Variants in RNPC3 observed in about 807,000 individuals in gnomAD.
RNPC3 encodes RNA-binding region-containing protein 3.
In RNPC3, 48 loss-of-function variants were observed where a neutral mutation model predicts 67.5. The ratio of observed to expected loss-of-function variants is 0.71; its 90% CI spans 0.56 to 0.90. The LOEUF (loss-of-function observed/expected upper bound fraction) is 0.90. RNPC3 is among the 40% of genes least tolerant of loss of function. The pLI, the probability that RNPC3 is intolerant of heterozygous loss-of-function variation, is 0.00. For synonymous variants in RNPC3, 239 were observed against 210.3 expected (o/e 1.14, Z -1.18); for missense variants, 637 against 626.1 (o/e 1.02, Z -0.19).
At chr1:103,532,367 C>G (rs1338948009) in intron 2 of RNPC3, among the ~76,000 whole-genome samples, 1 of 152,088 alleles carries the variant, frequency 6.6e-6, no homozygotes, top group Non-Finnish European at 1.5e-5. Context: ...ATAGAGATGG[C>G]TCCTGGTGGA....
At chr1:103,532,926 T>TG (rs1553193185) in intron 2 of RNPC3, among the ~76,000 whole-genome samples, 2 of 152,020 alleles carry the variant, frequency 1.3e-5, no homozygotes, top group Non-Finnish European at 2.9e-5. Flanking sequence ...TTAGATAGCT[T>TG]GTACAGAGTT....
chr1:103,529,920 C>G (rs1386741042), intron 2 of RNPC3, among the ~76,000 whole-genome samples: 2 of 152,140 alleles, frequency 1.3e-5, no homozygotes, highest in African/African-American at 4.8e-5. Flanking sequence ...TGAGCTCCAC[C>G]TCCAGTCAGA....
In RNPC3 at chr1:103,555,105, G is replaced by A. The variant is rs1443140115; in HGVS notation, c.*84G>A. On this transcript the variant is annotated 3_prime_UTR_variant, in exon 15 of 15. Transcript: ENST00000423855. ...GAAGAAATTGACCACCTGGACTATGGAACTGTGCGTAACAGCTTTGAAAGT... is the reference window on the plus strand; with the variant it reads ...GAAGAAATTGACCACCTGGACTATGAAACTGTGCGTAACAGCTTTGAAAGT... 9.2e-5 allele frequency: 14 copies of A among 151,892 alleles called. No individual in the cohort carries two copies. The highest frequency in any genetic ancestry group is 2.6e-4 in the Admixed American group (4 of 15,248). The allele number at this position is 151,892 out of a possible 1,614,324, so 9.4% of individuals were successfully genotyped here.
At chr1:103,554,484 C>T (rs1306738839) in intron 14 of RNPC3, 2 of 152,534 alleles carry the variant, frequency 1.3e-5, no homozygotes, top group African/African-American at 4.8e-5. Context: ...CAAACAAGGT[C>T]GAGAACCACC....
At chr1:103,546,953 G>T in intron 11 of RNPC3, 24 bp from the exon 12 acceptor site, 1 of 1,236,082 alleles carries the variant, frequency 8.1e-7, no homozygotes, top group Non-Finnish European at 1.1e-6. Flanking sequence ...TTTGTTATTT[G>T]TCTTTTTCTT....
At chr1:103,530,512 A>G (rs778417492) in intron 2 of RNPC3, among the ~76,000 whole-genome samples, 3 of 152,178 alleles carry the variant, frequency 2.0e-5, no homozygotes, top group Non-Finnish European at 2.9e-5. Flanking sequence ...GAGCAGACAT[A>G]GTGGGAGTGA....
At chr1:103,539,670 G>A (rs1415944485) in intron 7 of RNPC3, among the ~76,000 whole-genome samples, 2 of 152,164 alleles carry the variant, frequency 1.3e-5, no homozygotes, top group Admixed American at 6.5e-5. Context: ...GCCTTTGAGT[G>A]TACCAAGCTC....
At chr1:103,535,929 A>G (rs530309708) in intron 5 of RNPC3, among the ~76,000 whole-genome samples, 197 bp from the exon 6 acceptor site, 1 of 152,096 alleles carries the variant, frequency 6.6e-6, no homozygotes, top group Non-Finnish European at 1.5e-5. Flanking sequence ...AACATGTAGA[A>G]TTGACATTTT....
intron 10 of RNPC3, chr1:103,545,371 A>G (rs1651218233): frequency 3.6e-6 from 1 of 280,042 alleles, no homozygotes; most frequent in Non-Finnish European, 6.7e-6. Flanking sequence ...GGCATTTAAA[A>G]TAAGTCAGTG....
At chr1:103,544,341 C>G (rs1285970220) in intron 9 of RNPC3, among the ~76,000 whole-genome samples, 1 of 151,724 alleles carries the variant, frequency 6.6e-6, no homozygotes, top group East Asian at 1.9e-4. Flanking sequence ...GAGAAGTTTG[C>G]CATGGTCTCT....
chr1:103,532,808 C>T (rs1650891785), intron 2 of RNPC3, among the ~76,000 whole-genome samples: 2 of 152,004 alleles, frequency 1.3e-5, no homozygotes, highest in Non-Finnish European at 2.9e-5. Flanking sequence ...CCCAACAATG[C>T]AAAATTTGTT....
chr1:103,541,507 G>T (rs539994521), intron 8 of RNPC3, 32 bp downstream of exon 8: 6 of 1,468,158 alleles, frequency 4.1e-6, no homozygotes, highest in Admixed American at 5.4e-5. Context: ...AATGAGGGTT[G>T]TCTGTATGTA....
chr1:103,550,415 C>T (rs527323435), intron 12 of RNPC3, among the ~76,000 whole-genome samples: 25 of 151,812 alleles, frequency 1.6e-4, no homozygotes, highest in South Asian at 1.0e-3. Context: ...GGGCAGATCA[C>T]GAGGTCACGA....
chr1:103,525,798 G>A lies in RNPC3; in HGVS notation c.-273G>A. ...TGATTGACAACTTGTGTTAACCCTCGCACATCTCTGGGCCAATTTTTGCTT... is the reference window on the plus strand; with the variant it reads ...TGATTGACAACTTGTGTTAACCCTCACACATCTCTGGGCCAATTTTTGCTT... On this transcript the variant is annotated 5_prime_UTR_variant, in exon 1 of 15. Transcript: ENST00000423855. The A allele has an allele frequency of 2.8e-6, 1 of 358,830 alleles. No homozygotes were observed. Among genetic ancestry groups the A allele is most frequent in the Non-Finnish European group, 5.1e-6 (1 of 196,574 alleles). 22.2% of individuals were successfully genotyped at this position (358,830 alleles called of 1,614,324 possible). A position where few individuals can be genotyped will look rare whatever the true frequency, so the allele number is the denominator to read the frequency against.
At chr1:103,527,850 C>A in intron 2 of RNPC3, 108 bp downstream of exon 2, 1 of 733,104 alleles carries the variant, frequency 1.4e-6, no homozygotes, top group Non-Finnish European at 2.3e-6. Context: ...GTTTGTATTC[C>A]AACAGTTTCC....
chr1:103,534,963 C>A, intron 4 of RNPC3, 106 bp downstream of exon 4: 1 of 596,220 alleles, frequency 1.7e-6, no homozygotes. Context: ...ATACAGATAT[C>A]TTATTGCTTA....
chr1:103,550,640 CAAAAAA>C (rs34109337), intron 12 of RNPC3, among the ~76,000 whole-genome samples: 1 of 88,648 alleles, frequency 1.1e-5, no homozygotes, highest in Non-Finnish European at 2.2e-5. Context: ...GACTCTGTCT[CAAAAAA>C]AAAAAAAAAA....
chr1:103,542,252 A>G (rs146287817), intron 8 of RNPC3, among the ~76,000 whole-genome samples: 79 of 152,144 alleles, frequency 5.2e-4, no homozygotes, highest in African/African-American at 1.9e-3. Flanking sequence ...TGTAAGAGAG[A>G]GGAGATATTT....
At chr1:103,548,609 C>T (rs540587043) in intron 12 of RNPC3, among the ~76,000 whole-genome samples, 1 of 152,300 alleles carries the variant, frequency 6.6e-6, no homozygotes, top group South Asian at 2.1e-4. Flanking sequence ...CAAAGCCATT[C>T]AACAAGTCTA....
Sources: allele counts gnomAD v4.1 joint callset (sites outside exome capture counted in the v4.1 genomes callset), GRCh38; gene constraint gnomAD v4.1.1; transcripts MANE v1.5; gene names NCBI Gene and HGNC (gene_info 2026-07-23, HGNC 2026-07-21).